The following TMEM181 variants were observed in gnomAD, a reference collection of about 807,000 sequenced individuals.
TMEM181 encodes G protein-coupled receptor 178.
TMEM181 carries 39 observed loss-of-function variants against 71.9 expected under a neutral mutation model. That is an observed-to-expected ratio of 0.54 (90% confidence interval 0.42 to 0.71). The LOEUF (loss-of-function observed/expected upper bound fraction) is 0.71. Among genes scored for constraint, TMEM181 ranks in the 30% least tolerant of loss-of-function variants. The pLI, the probability that TMEM181 is intolerant of heterozygous loss-of-function variation, is 0.00. For synonymous variants in TMEM181, 245 were observed against 228.8 expected, an observed-to-expected ratio of 1.07 and a Z score of -0.64; for missense variants, 595 against 583.0, an observed-to-expected ratio of 1.02 and a Z score of -0.21.
At chr6:158,550,548 C>T (rs376540377) in intron 1 of TMEM181, among the ~76,000 whole-genome samples, 6 of 151,560 alleles carry the variant, frequency 4.0e-5, no homozygotes, top group Admixed American at 6.6e-5. Context: ...CTCAGCTACT[C>T]GGGAGGCTGA....
chr6:158,611,980 C>CCCCG (rs939452056), intron 10 of TMEM181, among the ~76,000 whole-genome samples: 5 of 141,444 alleles, frequency 3.5e-5, no homozygotes, highest in African/African-American at 1.3e-4. Context: ...AGGGATACCC[C>CCCCG]CCCCACCTCC....
chr6:158,628,791 G>A (rs1462380369), intron 14 of TMEM181, among the ~76,000 whole-genome samples: 1 of 152,218 alleles, frequency 6.6e-6, no homozygotes, highest in African/African-American at 2.4e-5. Flanking sequence ...CCCACGCCAC[G>A]CTGCTTTCCA....
In TMEM181 at chr6:158,610,943, A is replaced by C. The variant is rs1350484387; in HGVS notation, c.896+2193A>C. ...GTTTCAGTGGGACGGGTTCCTCCTG[A>C]GAGAATCTGACCGTGGAGATCTCCA... On this transcript the variant is annotated intron_variant, in intron 10 of 16. Transcript: ENST00000684151. 7.1e-6 allele frequency: 3 copies of C among 421,992 alleles called. No individual in the cohort carries two copies. The East Asian group carries it at 1.6e-4, about 23-fold the overall frequency. The allele number at this position is 421,992 out of a possible 1,614,324, so 26.1% of individuals were successfully genotyped here.
chr6:158,615,872 G>GT (rs1376768181), intron 10 of TMEM181, among the ~76,000 whole-genome samples: 1 of 152,210 alleles, frequency 6.6e-6, no homozygotes, highest in Admixed American at 6.5e-5. Flanking sequence ...GTACCATGCT[G>GT]TTTTGGTTAC....
intron 1 of TMEM181, among the ~76,000 whole-genome samples, chr6:158,551,719 C>G (rs1781729667): frequency 6.6e-6 from 1 of 152,028 alleles, no homozygotes; most frequent in Non-Finnish European, 1.5e-5. Flanking sequence ...GTAGATTTAA[C>G]ATAACACGTA....
In TMEM181 at chr6:158,626,910, CCTCACCCTCATT is replaced by C. The variant is rs369391338; in HGVS notation, c.1109+1179_1109+1190del. On this transcript the variant is annotated intron_variant, in intron 13 of 16. Transcript: ENST00000684151. ...CACCCCCACACCTTCACTCACACAC[CCTCACCCTCATT>C]CTCACCCTCATTCTCACCCTCACCC... Among the ~76,000 whole-genome samples the C allele has an allele frequency of 3.2e-3, 424 of 133,336 alleles. 2 individuals are homozygous for C. Among genetic ancestry groups the C allele is most frequent in the South Asian group, 0.015 (59 of 4,026 alleles). 87.5% of individuals were successfully genotyped at this position (133,336 alleles called of 152,430 possible). A position where few individuals can be genotyped will look rare whatever the true frequency, so the allele number is the denominator to read the frequency against.
intron 1 of TMEM181, among the ~76,000 whole-genome samples, chr6:158,567,805 C>CCTAT (rs928800096): frequency 7.2e-5 from 11 of 152,170 alleles, no homozygotes; most frequent in African/African-American, 2.7e-4. Context: ...TGCAGTAGTA[C>CCTAT]CTATCTCAGG....
intron 1 of TMEM181, among the ~76,000 whole-genome samples, chr6:158,550,307 A>G (rs1001103556): frequency 6.6e-6 from 1 of 151,500 alleles, no homozygotes; most frequent in Non-Finnish European, 1.5e-5. Context: ...GGCCTCCCAA[A>G]GTGCTGAGAT....
In TMEM181 at chr6:158,608,009, C is replaced by T. The variant is rs555541827; in HGVS notation, c.674-324C>T. 2.3e-4 allele frequency among the ~76,000 whole-genome samples: 35 copies of T among 152,368 alleles called. 1 individual carries two copies. The South Asian group carries it at 6.4e-3, about 28-fold the overall frequency. On this transcript the variant is annotated intron_variant, in intron 8 of 16. Coordinates refer to ENST00000684151, the MANE Select transcript of TMEM181 (RefSeq NM_001376852.1). ...GGGAGGAGCTGATGGCAGTGGCATA[C>T]GGCGCTCTGTCGTGATCAGTGCAGC... is the stretch of plus-strand genomic sequence containing the variant.
At chr6:158,558,323 G>C (rs1159999148), upstream of TMEM181, among the ~76,000 whole-genome samples, 1 of 152,202 alleles carries the variant, frequency 6.6e-6, no homozygotes, top group South Asian at 2.1e-4. Context: ...CCCTCCCAGG[G>C]TTTAAGATAT....
chr6:158,561,175 C>T (rs1782152618), intron 1 of TMEM181, among the ~76,000 whole-genome samples: 1 of 152,212 alleles, frequency 6.6e-6, no homozygotes, highest in African/African-American at 2.4e-5. Context: ...ATTTCTCTGG[C>T]TGTGGACGTG....
chr6:158,627,613 CCG>C (rs1467564315), intron 13 of TMEM181, among the ~76,000 whole-genome samples: 3 of 74,902 alleles, frequency 4.0e-5, no homozygotes, highest in Non-Finnish European at 9.1e-5. Context: ...GAACAGGGCA[CCG>C]GCAGCCTGGG....
At chr6:158,601,219 A>G (rs1784653069) in intron 6 of TMEM181, among the ~76,000 whole-genome samples, 1 of 152,152 alleles carries the variant, frequency 6.6e-6, no homozygotes, top group East Asian at 1.9e-4. Context: ...TTTGCTGGGC[A>G]TTGTGCTTAG....
At chr6:158,539,711 T>C (rs1450171496) in intron 1 of TMEM181, among the ~76,000 whole-genome samples, 2 of 152,236 alleles carry the variant, frequency 1.3e-5, no homozygotes, top group Non-Finnish European at 2.9e-5. Flanking sequence ...CAAAGGACTC[T>C]TGGCGATTTT....
intron 10 of TMEM181, among the ~76,000 whole-genome samples, chr6:158,611,998 C>CT (rs554594339): frequency 8.7e-4 from 132 of 151,260 alleles, no homozygotes; most frequent in African/African-American, 3.1e-3. Context: ...TCCTAGTCTG[C>CT]TTTTAGCTTG....
chr6:158,544,300 G>T (rs1033216786), intron 1 of TMEM181, among the ~76,000 whole-genome samples: 3 of 151,834 alleles, frequency 2.0e-5, no homozygotes, highest in African/African-American at 7.3e-5. Context: ...GAGATATGGT[G>T]CTCAGCGCAT....
At chr6:158,559,798 G>C (rs1195380542), upstream of TMEM181, among the ~76,000 whole-genome samples, 1 of 152,222 alleles carries the variant, frequency 6.6e-6, no homozygotes, top group South Asian at 2.1e-4. Context: ...GTGGACTCCC[G>C]AGGCCCATCC....
At chr6:158,542,612 T>C (rs866827243) in intron 1 of TMEM181, among the ~76,000 whole-genome samples, 4 of 152,120 alleles carry the variant, frequency 2.6e-5, no homozygotes, top group South Asian at 4.1e-4. Flanking sequence ...TTCTTTTTGT[T>C]GTTTGTTTTT....
At chr6:158,618,416 A>T (rs1245093782) in intron 10 of TMEM181, among the ~76,000 whole-genome samples, 3 of 152,200 alleles carry the variant, frequency 2.0e-5, no homozygotes, top group Non-Finnish European at 4.4e-5. Context: ...TCCTGAATAC[A>T]TCATACTGAT....
Sources: allele counts gnomAD v4.1 joint callset (sites outside exome capture counted in the v4.1 genomes callset), GRCh38; gene constraint gnomAD v4.1.1; transcripts MANE v1.5; gene names NCBI Gene and HGNC (gene_info 2026-07-23, HGNC 2026-07-21).